The following SRGAP1 variants were observed in gnomAD, a reference collection of about 807,000 sequenced individuals.
The protein encoded by SRGAP1 is SLIT-ROBO Rho GTPase activating protein 1.
A neutral mutation model predicts 121.9 loss-of-function variants in SRGAP1; 43 were observed. That is an observed-to-expected ratio of 0.35 (90% CI 0.28 to 0.46). SRGAP1 has a LOEUF of 0.46. Among genes scored for constraint, SRGAP1 ranks in the 20% least tolerant of loss-of-function variants. The probability of loss-of-function intolerance (pLI) is 1.00; values close to 1 mark genes in which losing one functional copy is unlikely to be tolerated. For synonymous variants in SRGAP1, 447 were observed against 485.4 expected, an observed-to-expected ratio of 0.92 and a Z score of 1.04; for missense variants, 1,102 against 1,350.9, an observed-to-expected ratio of 0.82 and a Z score of 2.89.
In SRGAP1 at chr12:63,951,256, C is replaced by T. The variant is rs547119836; in HGVS notation, c.68-32691C>T. Reference sequence around the variant, plus strand: ...TTGGCTCACTGCAACCTCCGCTTTCCGGGTTCAAGCAATTCTCCTGCCTCA... The same window carrying T: ...TTGGCTCACTGCAACCTCCGCTTTCTGGGTTCAAGCAATTCTCCTGCCTCA... On this transcript the variant is annotated intron_variant, in intron 1 of 21. Transcript: ENST00000355086. Among the ~76,000 whole-genome samples, 26 of 142,996 alleles carry T rather than the reference C, an allele frequency of 1.8e-4. No individual in the cohort carries two copies. In the Middle Eastern group the frequency reaches 0.016, roughly 85 times the overall value. 93.8% of individuals were successfully genotyped at this position (142,996 alleles called of 152,430 possible). A position where few individuals can be genotyped will look rare whatever the true frequency, so the allele number is the denominator to read the frequency against.
intron 1 of SRGAP1, among the ~76,000 whole-genome samples, chr12:63,893,651 T>G (rs1043438679): frequency 1.3e-5 from 2 of 152,164 alleles, no homozygotes; most frequent in African/African-American, 4.8e-5. Context: ...CCAAGTGACT[T>G]GCCCAAAGTC....
At chr12:63,850,182 C>T (rs895174273) in intron 1 of SRGAP1, among the ~76,000 whole-genome samples, 6 of 152,192 alleles carry the variant, frequency 3.9e-5, no homozygotes, top group African/African-American at 1.4e-4. Flanking sequence ...TGCAACAAGG[C>T]CTTTACAGTG....
chr12:63,955,261 G>A (rs568928227), intron 1 of SRGAP1, among the ~76,000 whole-genome samples: 32 of 152,262 alleles, frequency 2.1e-4, no homozygotes, highest in African/African-American at 7.0e-4. Flanking sequence ...ACAGGTTGCC[G>A]TGAGCCGGGA....
At position 64,161,326 on chromosome 12, in the gene SRGAP1, G is replaced by A. The variant is rs1262106629; in HGVS notation, c.*18654G>A. 1.3e-5 allele frequency: 2 copies of A among 151,926 alleles called. No individual in the cohort carries two copies. The highest frequency in any genetic ancestry group is 4.8e-5 in the African/African-American group (2 of 41,374). The allele number at this position is 151,926 out of a possible 1,614,324, so 9.4% of individuals were successfully genotyped here. On this transcript the variant is annotated 3_prime_UTR_variant, in exon 22 of 22. Coordinates refer to ENST00000355086, the MANE Select transcript of SRGAP1 (RefSeq NM_020762.4). ...TGTTTTCTTATAATTCCTAATATTT[G>A]GAGGTTGGACCTCATGAACTGATCC...
chr12:63,947,303 T>C (rs1221339144), intron 1 of SRGAP1, among the ~76,000 whole-genome samples: 1 of 152,218 alleles, frequency 6.6e-6, no homozygotes, highest in Non-Finnish European at 1.5e-5. Context: ...CATTTGGTAT[T>C]GTGGGTCTTA....
chr12:64,057,169 C>T (rs1009544898), intron 6 of SRGAP1, among the ~76,000 whole-genome samples: 1 of 152,050 alleles, frequency 6.6e-6, no homozygotes. Flanking sequence ...ACTCACTCCT[C>T]CTATTTGCTA....
intron 1 of SRGAP1, among the ~76,000 whole-genome samples, chr12:63,965,964 C>T (rs1013119277): frequency 6.6e-6 from 1 of 152,160 alleles, no homozygotes; most frequent in Non-Finnish European, 1.5e-5. Context: ...GATTTACAGG[C>T]ATCCGCCATC....
chr12:63,924,229 A>G (rs987936786), intron 1 of SRGAP1, among the ~76,000 whole-genome samples: 1 of 152,214 alleles, frequency 6.6e-6, no homozygotes. Context: ...CTTTGTAGCC[A>G]CATTAATTTT....
intron 8 of SRGAP1, 101 bp from the exon 9 acceptor site, chr12:64,078,818 C>A: frequency 8.2e-7 from 1 of 1,212,498 alleles, no homozygotes; most frequent in Non-Finnish European, 1.2e-6. Context: ...TTGGCGGGGG[C>A]AGGCCCTGTG....
chr12:63,867,875 A>T (rs1286239247), intron 1 of SRGAP1, among the ~76,000 whole-genome samples: 1 of 151,506 alleles, frequency 6.6e-6, no homozygotes, highest in Admixed American at 6.6e-5. Context: ...GGTGCTTTAG[A>T]AAAGCAGGGA....
rs78323921 is a variant in SRGAP1 at position 64,011,230 on chromosome 12, C to G, written c.427-5720C>G. On this transcript the variant is annotated intron_variant, in intron 3 of 21. Coordinates refer to ENST00000355086, the MANE Select transcript of SRGAP1 (RefSeq NM_020762.4). Reference sequence around the variant, plus strand: ...CTCTATCCTAAAATAATGTAGCAAGCCTTTCAACAATTTTAATCAGAGGAA... The same window carrying G: ...CTCTATCCTAAAATAATGTAGCAAGGCTTTCAACAATTTTAATCAGAGGAA... 5.3e-3 allele frequency among the ~76,000 whole-genome samples: 810 copies of G among 152,054 alleles called. 11 individuals carry two copies. Among genetic ancestry groups the G allele is most frequent in the African/African-American group, 0.019 (772 of 41,388 alleles).
At chr12:63,901,252 G>A (rs1321411995) in intron 1 of SRGAP1, among the ~76,000 whole-genome samples, 1 of 152,048 alleles carries the variant, frequency 6.6e-6, no homozygotes, top group Non-Finnish European at 1.5e-5. Flanking sequence ...GGAACCCCAG[G>A]GCAAATAATT....
At chr12:63,922,213 A>C (rs934113259) in intron 1 of SRGAP1, among the ~76,000 whole-genome samples, 8 of 152,074 alleles carry the variant, frequency 5.3e-5, no homozygotes, top group African/African-American at 1.9e-4. Flanking sequence ...TCCTGACCTC[A>C]AGTGATCCAC....
intron 6 of SRGAP1, among the ~76,000 whole-genome samples, chr12:64,050,856 G>T (rs560005120): frequency 6.6e-6 from 1 of 152,080 alleles, no homozygotes. Flanking sequence ...CAAGTAGCTG[G>T]GATTACAGGT....
intron 3 of SRGAP1, among the ~76,000 whole-genome samples, chr12:64,000,287 A>C (rs1186185747): frequency 6.8e-6 from 1 of 147,978 alleles, no homozygotes; most frequent in African/African-American, 2.5e-5. Context: ...AAAAAAAAAA[A>C]CCAGGATGTT....
intron 21 of SRGAP1, among the ~76,000 whole-genome samples, chr12:64,134,096 T>C (rs1293000832): frequency 2.6e-5 from 4 of 152,104 alleles, no homozygotes; most frequent in African/African-American, 9.7e-5. Context: ...AGATCTGACA[T>C]ACAGAGAACA....
At chr12:64,015,316 TA>T (rs2034374030) in intron 3 of SRGAP1, among the ~76,000 whole-genome samples, 1 of 152,100 alleles carries the variant, frequency 6.6e-6, no homozygotes, top group African/African-American at 2.4e-5. Flanking sequence ...ATAGGAAAAA[TA>T]AAATGAGTTT....
At chr12:63,904,376 C>T (rs1310908745) in intron 1 of SRGAP1, among the ~76,000 whole-genome samples, 2 of 152,204 alleles carry the variant, frequency 1.3e-5, no homozygotes, top group Admixed American at 6.5e-5. Flanking sequence ...GCTCTATTCT[C>T]TCTTCCTGTT....
At chr12:64,101,697 A>G (rs2036257974) in intron 15 of SRGAP1, among the ~76,000 whole-genome samples, 1 of 152,168 alleles carries the variant, frequency 6.6e-6, no homozygotes, top group Non-Finnish European at 1.5e-5. Context: ...GGCAGCTTGT[A>G]GAATATCCCT....
Sources: allele counts gnomAD v4.1 joint callset (sites outside exome capture counted in the v4.1 genomes callset), GRCh38; gene constraint gnomAD v4.1.1; transcripts MANE v1.5; gene names NCBI Gene and HGNC (gene_info 2026-07-23, HGNC 2026-07-21).